The following POU6F2 variants were observed in gnomAD, a reference collection of about 807,000 sequenced individuals.
POU6F2 encodes the protein POU domain, class 6, transcription factor 2.
In POU6F2, 31 loss-of-function variants were observed where a neutral mutation model predicts 71.3. That is an observed-to-expected ratio of 0.43 (90% CI 0.33 to 0.59). The LOEUF is 0.59. POU6F2 is among the 20% of genes least tolerant of loss of function. The pLI, the probability that POU6F2 is intolerant of heterozygous loss-of-function variation, is 0.04. For missense variants in POU6F2, 783 were observed against 856.8 expected (o/e 0.91, Z 1.07); for synonymous variants, 347 against 355.7 (o/e 0.98, Z 0.27).
Position 39,328,209 on chromosome 7 carries a change from G to A in POU6F2, c.599-11433G>A, listed in dbSNP as rs1444414481. On this transcript the variant is annotated intron_variant, in intron 4 of 9. Coordinates refer to ENST00000518318, the MANE Select transcript of POU6F2 (RefSeq NM_001370959.1). ...GCTGGGATTACAGGCGTGAGCCACC[G>A]CACCCGACCGAATCGGGTTTCTTTA... 7.2e-5 allele frequency among the ~76,000 whole-genome samples: 11 copies of A among 152,242 alleles called. 1 individual carries two copies. The highest frequency in any genetic ancestry group is 6.2e-4 in the South Asian group (3 of 4,822).
intron 4 of POU6F2, among the ~76,000 whole-genome samples, chr7:39,284,449 A>T (rs1215048602): frequency 6.6e-6 from 1 of 152,230 alleles, no homozygotes; most frequent in Non-Finnish European, 1.5e-5. Context: ...GTGCTGGAGG[A>T]AATTTCTCCT....
intron 8 of POU6F2, among the ~76,000 whole-genome samples, chr7:39,455,721 T>TAA (rs145262689): frequency 6.6e-6 from 1 of 151,710 alleles, no homozygotes; most frequent in Non-Finnish European, 1.5e-5. Context: ...GAGCTAAATT[T>TAA]AAAAAAACAA....
intron 2 of POU6F2, among the ~76,000 whole-genome samples, chr7:39,115,557 A>G (rs535373900): frequency 9.8e-4 from 149 of 152,232 alleles, no homozygotes; most frequent in African/African-American, 3.5e-3. Context: ...TGCCTACTAC[A>G]TAAAGACTTC....
chr7:39,138,485 G>A (rs1792430118), intron 2 of POU6F2, among the ~76,000 whole-genome samples: 1 of 152,114 alleles, frequency 6.6e-6, no homozygotes, highest in African/African-American at 2.4e-5. Context: ...CAGATCAGCG[G>A]CAGCATTAGA....
At chr7:39,313,399 G>A (rs752058917) in intron 4 of POU6F2, among the ~76,000 whole-genome samples, 1 of 151,726 alleles carries the variant, frequency 6.6e-6, no homozygotes, top group Non-Finnish European at 1.5e-5. Flanking sequence ...TTTCTCCTTG[G>A]CAATTATTCC....
intron 1 of POU6F2, among the ~76,000 whole-genome samples, chr7:39,003,488 C>T (rs1186187461): frequency 2.6e-5 from 4 of 151,592 alleles, no homozygotes; most frequent in African/African-American, 4.8e-5. Flanking sequence ...TGCCTGTAAT[C>T]CCAGCACTTT....
rs536149347 is a variant in POU6F2 at position 39,086,768 on chromosome 7, G to A, written c.277+737G>A. On this transcript the variant is annotated intron_variant, in intron 2 of 9. Coordinates refer to ENST00000518318, the MANE Select transcript of POU6F2 (RefSeq NM_001370959.1). The stretch of plus-strand genomic sequence containing the variant: ...AAAGACATCTGTCATTCAAACAGAT[G>A]ACACTCTGTAAGCCAACTCATGCAA... Among the ~76,000 whole-genome samples, 25 of 152,218 alleles carry A rather than the reference G, an allele frequency of 1.6e-4. No homozygotes were observed. The South Asian group carries it at 5.2e-3, about 32-fold the overall frequency.
chr7:39,015,993 T>C lies in POU6F2; in HGVS notation c.105+37935T>C, dbSNP rs1305732837. ...ATATATTATATATAGATATATATAA[T>C]ATATAGATATATATTATATATTATA... is the stretch of plus-strand genomic sequence containing the variant. On this transcript the variant is annotated intron_variant, in intron 1 of 9. Transcript: ENST00000518318. 1.4e-3 allele frequency among the ~76,000 whole-genome samples: 55 copies of C among 40,528 alleles called. 1 individual carries two copies. The highest frequency in any genetic ancestry group is 4.2e-3 in the African/African-American group (49 of 11,550). The allele number at this position is 40,528 out of a possible 152,430, so 26.6% of individuals were successfully genotyped here.
rs1468193183 is a variant in POU6F2, at chr7:39,074,953, C to T, written c.106-10907C>T. Among the ~76,000 whole-genome samples, 8 of 152,252 alleles carry T rather than the reference C, an allele frequency of 5.3e-5. No individual in the cohort carries two copies. In the South Asian group the frequency reaches 8.3e-4, roughly 16 times the overall value. The stretch of plus-strand genomic sequence containing the variant: ...TACTGTTATTACCCCATTTTCCTCT[C>T]GGGAAAATGAAGGCTCAGAGAACTG... On this transcript the variant is annotated intron_variant, in intron 1 of 9. Transcript: ENST00000518318.
At chr7:39,171,670 G>A (rs1230747852) in intron 2 of POU6F2, among the ~76,000 whole-genome samples, 1 of 152,138 alleles carries the variant, frequency 6.6e-6, no homozygotes, top group Non-Finnish European at 1.5e-5. Flanking sequence ...TCCAAATTTC[G>A]GAGCATTTAG....
At chr7:39,415,393 C>T (rs1787651421) in intron 6 of POU6F2, among the ~76,000 whole-genome samples, 2 of 152,270 alleles carry the variant, frequency 1.3e-5, no homozygotes, top group African/African-American at 4.8e-5. Context: ...TGTGGAGGCT[C>T]CTAAATCTAG....
rs1793631780 is a variant in POU6F2 at position 39,190,163 on chromosome 7, T to C, written c.278-14072T>C. On this transcript the variant is annotated intron_variant, in intron 2 of 9. Transcript: ENST00000518318. The stretch of plus-strand genomic sequence containing the variant: ...CTCCTGCCTTTACCTTCCAAAGTGC[T>C]GGGATTACAGGTGTGAGCCACTGTG... Among the ~76,000 whole-genome samples, 3 of 152,222 alleles carry C rather than the reference T, an allele frequency of 2.0e-5. No homozygotes were observed. In the South Asian group the frequency reaches 6.2e-4, roughly 32 times the overall value.
At chr7:39,461,155 A>C (rs578016638) in intron 9 of POU6F2, among the ~76,000 whole-genome samples, 1 of 152,346 alleles carries the variant, frequency 6.6e-6, no homozygotes, top group South Asian at 2.1e-4. Flanking sequence ...CATTTTAAAA[A>C]AAAATTAACT....
intron 2 of POU6F2, among the ~76,000 whole-genome samples, chr7:39,149,956 G>A (rs776502863): frequency 4.0e-4 from 60 of 151,340 alleles, no homozygotes; most frequent in Non-Finnish European, 6.9e-4. Flanking sequence ...CACAATCTCG[G>A]CTCACTGCAA....
At chr7:39,250,584 G>A (rs1484189832) in intron 4 of POU6F2, among the ~76,000 whole-genome samples, 1 of 152,104 alleles carries the variant, frequency 6.6e-6, no homozygotes, top group Non-Finnish European at 1.5e-5. Context: ...TGTTCTGTTT[G>A]AAGTGCAATC....
At chr7:39,130,164 G>A (rs1403568957) in intron 2 of POU6F2, among the ~76,000 whole-genome samples, 1 of 151,026 alleles carries the variant, frequency 6.6e-6, no homozygotes, top group East Asian at 1.9e-4. Flanking sequence ...GTGTGTGTGT[G>A]TGTGTGTGTG....
chr7:39,159,654 A>G (rs764019723), intron 2 of POU6F2, among the ~76,000 whole-genome samples: 3 of 152,182 alleles, frequency 2.0e-5, no homozygotes, highest in Non-Finnish European at 4.4e-5. Flanking sequence ...AATGGGCATT[A>G]TACTAGGTAC....
intron 4 of POU6F2, among the ~76,000 whole-genome samples, chr7:39,263,921 A>G (rs751262306): frequency 1.3e-5 from 2 of 152,194 alleles, no homozygotes; most frequent in Non-Finnish European, 2.9e-5. Context: ...TAGAATAAAG[A>G]TGTGTGCATG....
chr7:39,210,639 C>T (rs1015640535), intron 4 of POU6F2, among the ~76,000 whole-genome samples: 12 of 152,044 alleles, frequency 7.9e-5, no homozygotes, highest in Admixed American at 5.2e-4. Context: ...ACTCTGACAG[C>T]GGGGGTCATA....
Sources: allele counts gnomAD v4.1 joint callset (sites outside exome capture counted in the v4.1 genomes callset), GRCh38; gene constraint gnomAD v4.1.1; transcripts MANE v1.5; gene names NCBI Gene and HGNC (gene_info 2026-07-23, HGNC 2026-07-21).